PIH1D2: variants seen among roughly 807,000 people sequenced by gnomAD.
PIH1D2 encodes the protein PIH1 domain-containing protein 2.
Under a neutral mutation model 31.2 loss-of-function variants are expected in PIH1D2, and 25 were observed. The ratio of observed to expected loss-of-function variants is 0.80; its 90% CI spans 0.58 to 1.12. PIH1D2 has a LOEUF of 1.12. Among genes scored for constraint, PIH1D2 ranks in the 50% most tolerant of loss-of-function variants. PIH1D2 has a pLI of 0.00. For missense variants in PIH1D2, 310 were observed against 356.6 expected (o/e 0.87, Z 1.05); for synonymous variants, 116 against 119.9 (o/e 0.97, Z 0.21).
intron 2 of PIH1D2, 109 bp downstream of exon 2, chr11:112,072,882 AACAAAAC>A (rs1658829603): frequency 9.2e-7 from 1 of 1,088,930 alleles, no homozygotes; most frequent in Non-Finnish European, 1.2e-6. Context: ...AACAAAACAA[AACAAAAC>A]AAAAAAAAAA....
the PIH1D2 span, among the ~76,000 whole-genome samples, chr11:112,055,556 C>T: frequency 2.0e-5 from 3 of 151,934 alleles, no homozygotes; most frequent in South Asian, 6.2e-4. Context: ...GGCCTATATT[C>T]AACTATTGCT....
At position 112,073,032 on chromosome 11, in the gene PIH1D2, G is replaced by C; in HGVS notation, c.143C>G (p.Pro48Arg). 1 of 1,613,760 alleles carries C rather than the reference G, an allele frequency of 6.2e-7. No individual in the cohort carries two copies. The highest frequency in any genetic ancestry group is 8.5e-7 in the Non-Finnish European group (1 of 1,179,848). ...LKEGKQLCAA[P>R]EPQLCLQTRI... Reference sequence around the variant, plus strand: ...GGTCTGTAGACAAAGCTGTGGTTCTGGGGCAGCACAGAGCTGTTTCCCTTC... The same window carrying C: ...GGTCTGTAGACAAAGCTGTGGTTCTCGGGCAGCACAGAGCTGTTTCCCTTC... The change falls in exon 2 of 6, where the codon CCA becomes CGA. Residue 48 changes from proline to arginine, a missense_variant. Coordinates refer to ENST00000280350, the MANE Select transcript of PIH1D2 (RefSeq NM_138789.4).
downstream of PIH1D2, chr11:112,064,292 C>G (rs1318184362): frequency 7.6e-7 from 1 of 1,317,284 alleles, no homozygotes; most frequent in Admixed American, 2.7e-5. Flanking sequence ...GAGCTATAAT[C>G]TAAATCGATT....
intron 2 of PIH1D2, 109 bp downstream of exon 2, chr11:112,072,889 C>A (rs500638): frequency 0.29 from 243,950 of 854,368 alleles, 29,882 homozygotes; most frequent in East Asian, 0.48. Flanking sequence ...CAAAACAAAA[C>A]AAAAAAAAAA....
At chr11:112,062,316 T>G, downstream of PIH1D2, 1 of 1,393,322 alleles carries the variant, frequency 7.2e-7, no homozygotes, top group Non-Finnish European at 1.0e-6. Context: ...CTGGTTGGGA[T>G]TATAGGGTAG....
At chr11:112,055,489 C>T in the PIH1D2 span, among the ~76,000 whole-genome samples, 1 of 152,060 alleles carries the variant, frequency 6.6e-6, no homozygotes, top group Non-Finnish European at 1.5e-5. Context: ...TGTGATCTGC[C>T]TGCCTTGGCC....
chr11:112,059,352 TC>T (rs1272101765), downstream of PIH1D2, among the ~76,000 whole-genome samples: 206 of 150,976 alleles, frequency 1.4e-3, 2 homozygotes, highest in African/African-American at 4.9e-3. Flanking sequence ...CATTTCTCAT[TC>T]TTTTTTTTTT....
At position 112,072,995 on chromosome 11, in the gene PIH1D2, T is replaced by A. The variant is rs369052964; in HGVS notation, c.177+3A>T. On this transcript the variant is annotated splice_donor_region_variant and intron_variant, in intron 2 of 5. Transcript: ENST00000280350. Reference sequence around the variant, plus strand: ...CCCCATCCCTGGCACCAACTCGACATACCAGAATCCTGGTCTGTAGACAAA... The same window carrying A: ...CCCCATCCCTGGCACCAACTCGACAAACCAGAATCCTGGTCTGTAGACAAA... The A allele has an allele frequency of 2.5e-6, 4 of 1,598,830 alleles. No individual in the cohort carries two copies.
At chr11:112,062,973 G>A, downstream of PIH1D2, 1 of 166,454 alleles carries the variant, frequency 6.0e-6, no homozygotes, top group South Asian at 1.5e-4. Context: ...TTCTCTTGGG[G>A]GAAGGGCTTG....
chr11:112,068,329 A>G (rs1332597844), intron 5 of PIH1D2, among the ~76,000 whole-genome samples: 13 of 152,216 alleles, frequency 8.5e-5, no homozygotes, highest in African/African-American at 3.1e-4. Context: ...TAGTGAAACT[A>G]TCACAGTAAT....
chr11:112,055,437 G>A, the PIH1D2 span, among the ~76,000 whole-genome samples: 1 of 151,652 alleles, frequency 6.6e-6, no homozygotes, highest in Admixed American at 6.6e-5. Flanking sequence ...GTAGAGATGG[G>A]GTTTCACCAT....
downstream of PIH1D2, chr11:112,067,779 T>A (rs587753850): frequency 1.5e-4 from 224 of 1,460,660 alleles, 1 homozygote; most frequent in African/African-American, 2.8e-3. Context: ...AATTGGTGTT[T>A]AAGATAAACT....
At chr11:112,057,382 A>G in the PIH1D2 span, among the ~76,000 whole-genome samples, 4 of 152,252 alleles carry the variant, frequency 2.6e-5, no homozygotes, top group African/African-American at 7.2e-5. Context: ...TGAGTAAGGC[A>G]TGTCAAAAGC....
downstream of PIH1D2, among the ~76,000 whole-genome samples, chr11:112,058,356 GT>G (rs1452769127): frequency 6.6e-6 from 1 of 152,134 alleles, no homozygotes; most frequent in Non-Finnish European, 1.5e-5. Flanking sequence ...ATTAGAGCAG[GT>G]TCCTGTGTTT....
At chr11:112,060,363 T>C (rs1592732462), downstream of PIH1D2, among the ~76,000 whole-genome samples, 3 of 152,072 alleles carry the variant, frequency 2.0e-5, no homozygotes. Context: ...GTTTTCACCA[T>C]GTTGGCCAGG....
At position 112,071,722 on chromosome 11, in the gene PIH1D2, G is replaced by A. The variant is rs781786001; in HGVS notation, c.214C>T (p.Gln72Ter). The A allele has an allele frequency of 6.8e-6, 11 of 1,613,830 alleles. No individual in the cohort carries two copies. The highest frequency in any genetic ancestry group is 1.7e-5 in the Admixed American group (1 of 60,008). Residue 72 changes from glutamine (Q) to a stop codon, truncating the protein, a stop_gained, in exon 3 of 6, where the codon CAG becomes TAG. Coordinates refer to ENST00000280350, the MANE Select transcript of PIH1D2 (RefSeq NM_138789.4). LOFTEE classifies it high-confidence loss of function. ...TGGGGAGCTGGGATCCTTGTCCACTGACACAGGTTGATAAAAAGTATTTTT... is the reference window on the plus strand; with the variant it reads ...TGGGGAGCTGGGATCCTTGTCCACTAACACAGGTTGATAAAAAGTATTTTT... ...KEKILFINLC[Q>*]WTRIPAPQST... is the part of the protein sequence containing the mutation.
In PIH1D2 at chr11:112,067,963, G is replaced by C. The variant is rs1555184057; in HGVS notation, c.856C>G (p.Leu286Val). ...IEVSEKYRLH[L>V]NLPKLIDTEM... Reference sequence around the variant, plus strand: ...GTATCAATAAGTTTTGGAAGATTCAGATGTAATCTGTACTTCTCAGATACT... The same window carrying C: ...GTATCAATAAGTTTTGGAAGATTCACATGTAATCTGTACTTCTCAGATACT... The change falls in exon 6 of 6, where the codon CTG becomes GTG. Residue 286 changes from leucine (L) to valine (V), a missense_variant. Leu to Val is a conservative substitution (Grantham distance 32). Coordinates refer to ENST00000280350, the MANE Select transcript of PIH1D2 (RefSeq NM_138789.4). 6.2e-7 allele frequency: 1 copy of C among 1,605,972 alleles called. No individual in the cohort carries two copies. Among genetic ancestry groups the C allele is most frequent in the East Asian group, 2.2e-5 (1 of 44,698 alleles).
chr11:112,064,198 T>A, downstream of PIH1D2: 1 of 1,571,906 alleles, frequency 6.4e-7, no homozygotes, highest in Non-Finnish European at 8.6e-7. Flanking sequence ...CATCTTTCGC[T>A]AATGCTTGTG....
chr11:112,052,919 A>C, the PIH1D2 span, among the ~76,000 whole-genome samples: 1,365 of 152,236 alleles, frequency 9.0e-3, 11 homozygotes, highest in African/African-American at 0.03. Flanking sequence ...GCTCATTATA[A>C]ATAACAAAAC....
Sources: allele counts gnomAD v4.1 joint callset (sites outside exome capture counted in the v4.1 genomes callset), GRCh38; gene constraint gnomAD v4.1.1; transcripts MANE v1.5; gene names NCBI Gene and HGNC (gene_info 2026-07-23, HGNC 2026-07-21).